Variants in COL21A1 observed in about 807,000 individuals in gnomAD.
COL21A1 encodes collagen alpha-1(XXI) chain.
A neutral mutation model predicts 137.9 loss-of-function variants in COL21A1; 149 were observed. The ratio of observed to expected loss-of-function variants is 1.08; its 90% confidence interval spans 0.95 to 1.24. The LOEUF (loss-of-function observed/expected upper bound fraction) is 1.24. Among genes scored for constraint, COL21A1 ranks in the 50% most tolerant of loss-of-function variants. COL21A1 has a pLI of 0.00. For missense variants in COL21A1, 1,167 were observed against 1,158.4 expected (o/e 1.01, Z -0.11); for synonymous variants, 456 against 391.5 (o/e 1.16, Z -1.95).
chr6:56,249,120 T>C (rs1241698208), upstream of COL21A1, among the ~76,000 whole-genome samples: 2 of 151,468 alleles, frequency 1.3e-5, no homozygotes, highest in Non-Finnish European at 2.9e-5. Flanking sequence ...AGAACATGAA[T>C]GAATGCTAAA....
At chr6:56,213,197 T>TTAATAAACC (rs1780284901) in intron 1 of COL21A1, among the ~76,000 whole-genome samples, 3 of 152,258 alleles carry the variant, frequency 2.0e-5, no homozygotes, top group Admixed American at 2.0e-4. Context: ...TTGTATACAT[T>TTAATAAACC]TAATAAACAA....
intron 12 of COL21A1, among the ~76,000 whole-genome samples, chr6:56,139,313 A>T (rs1193327521): frequency 1.3e-5 from 2 of 152,174 alleles, no homozygotes; most frequent in East Asian, 3.8e-4. Context: ...CAAAAAGCCT[A>T]GGCAGTAAGT....
At chr6:56,322,437 A>G (rs1270856213) in intron 1 of COL21A1, among the ~76,000 whole-genome samples, 1 of 152,130 alleles carries the variant, frequency 6.6e-6, no homozygotes, top group African/African-American at 2.4e-5. Flanking sequence ...AACCAGGAGA[A>G]TGCAGAAAAT....
At chr6:56,065,802 A>C (rs1400923211) in intron 23 of COL21A1, among the ~76,000 whole-genome samples, 1 of 151,920 alleles carries the variant, frequency 6.6e-6, no homozygotes, top group African/African-American at 2.4e-5. Context: ...TTATCTTAAC[A>C]TGTGTGGGGC....
chr6:56,260,661 A>AGAG (rs1159242416), intron 1 of COL21A1, among the ~76,000 whole-genome samples: 56 of 116,020 alleles, frequency 4.8e-4, no homozygotes, highest in Non-Finnish European at 9.2e-4. Flanking sequence ...GGAAGGAATG[A>AGAG]AGGAAGGAAG....
At chr6:56,333,631 T>C (rs1765279085) in intron 1 of COL21A1, among the ~76,000 whole-genome samples, 1 of 152,118 alleles carries the variant, frequency 6.6e-6, no homozygotes, top group Admixed American at 6.6e-5. Flanking sequence ...TGCTTTCTCT[T>C]CTCTTGGGAA....
intron 17 of COL21A1, among the ~76,000 whole-genome samples, chr6:56,099,315 GCTC>G (rs899400940): frequency 7.0e-6 from 1 of 142,904 alleles, no homozygotes; most frequent in African/African-American, 2.6e-5. Flanking sequence ...CTCACTGCAA[GCTC>G]CGCCTCCCGG....
chr6:56,125,563 T>A lies in COL21A1; in HGVS notation c.1650+4A>T, dbSNP rs755287372. 10 of 1,597,302 alleles carry A rather than the reference T, an allele frequency of 6.3e-6. No homozygotes were observed. The highest frequency in any genetic ancestry group is 8.6e-6 in the Non-Finnish European group (10 of 1,168,176). ...GAATACTTTGTTGTGTGATCTATACTTCCCTTTTTGCCATAAAATCCAGGT... is the reference window on the plus strand; with the variant it reads ...GAATACTTTGTTGTGTGATCTATACATCCCTTTTTGCCATAAAATCCAGGT... On this transcript the variant is annotated splice_donor_region_variant and intron_variant, in intron 14 of 29. Coordinates refer to ENST00000244728, the MANE Select transcript of COL21A1 (RefSeq NM_030820.4).
intron 10 of COL21A1, among the ~76,000 whole-genome samples, chr6:56,152,849 T>C (rs2152252534): frequency 6.6e-6 from 1 of 152,238 alleles, no homozygotes; most frequent in Admixed American, 6.5e-5. Flanking sequence ...ATGACATCAG[T>C]GTGTGAACTG....
chr6:56,256,735 T>C (rs1202378582), intron 1 of COL21A1, among the ~76,000 whole-genome samples: 2 of 152,108 alleles, frequency 1.3e-5, no homozygotes, highest in Non-Finnish European at 2.9e-5. Flanking sequence ...AAAGGGGTTA[T>C]GAGGCCCCTT....
intron 16 of COL21A1, among the ~76,000 whole-genome samples, chr6:56,120,196 C>G (rs889341866): frequency 1.3e-5 from 2 of 151,956 alleles, no homozygotes; most frequent in African/African-American, 4.8e-5. Context: ...TCAAAGGACT[C>G]TGTAGAAAAA....
At chr6:56,171,284 T>A (rs563104635) in intron 3 of COL21A1, among the ~76,000 whole-genome samples, 156 bp from the exon 4 acceptor site, 2 of 152,110 alleles carry the variant, frequency 1.3e-5, no homozygotes, top group African/African-American at 4.8e-5. Flanking sequence ...TGTATATGAA[T>A]ACATTTTCTG....
chr6:56,190,311 A>C (rs1192291059), intron 1 of COL21A1, among the ~76,000 whole-genome samples: 1 of 152,244 alleles, frequency 6.6e-6, no homozygotes. Flanking sequence ...TACTATAAAC[A>C]TGTCTACGCA....
intron 1 of COL21A1, among the ~76,000 whole-genome samples, chr6:56,195,963 A>T (rs1360743794): frequency 6.6e-6 from 1 of 152,160 alleles, no homozygotes; most frequent in Admixed American, 6.6e-5. Context: ...TGGATGTAAA[A>T]TTTCTCAATA....
intron 1 of COL21A1, among the ~76,000 whole-genome samples, chr6:56,330,712 C>T (rs1765201124): frequency 6.6e-6 from 1 of 152,092 alleles, no homozygotes; most frequent in Non-Finnish European, 1.5e-5. Context: ...TTGATGGACA[C>T]TTAGCTTGAT....
In COL21A1 at chr6:56,069,114, C is replaced by A. The variant is rs754521132; in HGVS notation, c.2023G>T (p.Glu675Ter). 3 of 1,594,946 alleles carry A rather than the reference C, an allele frequency of 1.9e-6. No homozygotes were observed. Among genetic ancestry groups the A allele is most frequent in the African/African-American group, 1.3e-5 (1 of 74,126 alleles). ...GMPGASGLKG[E>*]PGATGSPGEP... ...CCTGGGGAACCCGTTGCTCCTGGTT[C>A]TCCCTATGTAACACAGAAATTCCAG... The change falls in exon 22 of 30, where the codon GAA becomes TAA. Residue 675 changes from glutamate to a stop codon, truncating the protein, a stop_gained. Transcript: ENST00000244728. LOFTEE classifies it high-confidence loss of function.
intron 2 of COL21A1, among the ~76,000 whole-genome samples, chr6:56,182,052 T>A (rs566985378): frequency 3.0e-4 from 45 of 152,026 alleles, no homozygotes; most frequent in Middle Eastern, 3.4e-3. Context: ...AACTTTTTTT[T>A]AAAAAAAAGT....
At position 56,060,407 on chromosome 6, in the gene COL21A1, T is replaced by C. The variant is rs1765692489; in HGVS notation, c.2408-189A>G. ...TCATTGCTCTGTGCGGTAATTTTATTAGAGCAATTGCTTAAAATAGGGGAA... is the reference window on the plus strand; with the variant it reads ...TCATTGCTCTGTGCGGTAATTTTATCAGAGCAATTGCTTAAAATAGGGGAA... On this transcript the variant is annotated intron_variant, in intron 27 of 29. Coordinates refer to ENST00000244728, the MANE Select transcript of COL21A1 (RefSeq NM_030820.4). 5.3e-6 allele frequency: 3 copies of C among 561,198 alleles called. No individual in the cohort carries two copies. In the East Asian group the frequency reaches 1.0e-4, roughly 19 times the overall value. The allele number at this position is 561,198 out of a possible 1,614,324, so 34.8% of individuals were successfully genotyped here. A position where few individuals can be genotyped will look rare whatever the true frequency, so the allele number is the denominator to read the frequency against.
intron 1 of COL21A1, among the ~76,000 whole-genome samples, chr6:56,299,217 T>C (rs978730730): frequency 6.6e-6 from 1 of 152,148 alleles, no homozygotes; most frequent in African/African-American, 2.4e-5. Flanking sequence ...TAAAAATTCT[T>C]AGGACTCTGT....
Sources: gnomAD v4.1 joint callset for allele counts (sites outside exome capture counted in the v4.1 genomes callset) on GRCh38, gnomAD v4.1.1 for gene constraint, MANE v1.5 for transcripts, NCBI Gene and HGNC (gene_info 2026-07-23, HGNC 2026-07-21) for gene names.